Variants in ERICH6B observed in about 807,000 individuals in gnomAD.
ERICH6B encodes the protein glutamate-rich protein 6B.
ERICH6B carries 69 observed loss-of-function variants against 80.0 expected under a neutral mutation model. The ratio of observed to expected loss-of-function variants is 0.86; its 90% CI spans 0.71 to 1.05. The LOEUF (loss-of-function observed/expected upper bound fraction) is 1.05, where lower values mean the gene tolerates loss of function less well. Among genes scored for constraint, ERICH6B ranks in the 50% least tolerant of loss-of-function variants. The pLI is 0.00. For synonymous variants in ERICH6B, 283 were observed against 291.9 expected (o/e 0.97, Z 0.31); for missense variants, 754 against 796.1 (o/e 0.95, Z 0.64).
intron 11 of ERICH6B, among the ~76,000 whole-genome samples, chr13:45,556,632 T>C (rs561922496): frequency 1.3e-4 from 20 of 152,322 alleles, no homozygotes; most frequent in African/African-American, 4.8e-4. Context: ...CTCCCACTTA[T>C]GAGTGAGAAC....
chr13:45,542,394 C>T (rs1246421474), intron 14 of ERICH6B, among the ~76,000 whole-genome samples: 1 of 152,224 alleles, frequency 6.6e-6, no homozygotes, highest in South Asian at 2.1e-4. Context: ...CTGTTCTTCC[C>T]TGGGCACACT....
chr13:45,574,808 T>C (rs568485592), intron 8 of ERICH6B, 34 bp downstream of exon 8: 1 of 1,328,780 alleles, frequency 7.5e-7, no homozygotes, highest in Non-Finnish European at 1.0e-6. Flanking sequence ...TGGAGGAAGC[T>C]GGGGGGGGGG....
intron 3 of ERICH6B, among the ~76,000 whole-genome samples, chr13:45,594,354 C>G (rs915931371): frequency 6.6e-6 from 1 of 152,118 alleles, no homozygotes; most frequent in Non-Finnish European, 1.5e-5. Context: ...CAGTTCCATT[C>G]GCTTGACAGC....
At chr13:45,575,184 C>T (rs973005647) in intron 7 of ERICH6B, among the ~76,000 whole-genome samples, 2 of 152,162 alleles carry the variant, frequency 1.3e-5, no homozygotes, top group Non-Finnish European at 1.5e-5. Context: ...TTCCTGGTGG[C>T]TGGTGAGGGT....
chr13:45,609,311 G>C (rs1273796355), intron 1 of ERICH6B, among the ~76,000 whole-genome samples: 1 of 152,056 alleles, frequency 6.6e-6, no homozygotes, highest in East Asian at 1.9e-4. Context: ...CTCACCTCAG[G>C]ATGCTTCCAC....
At chr13:45,553,564 T>A (rs539592932) in intron 11 of ERICH6B, among the ~76,000 whole-genome samples, 2 of 152,324 alleles carry the variant, frequency 1.3e-5, no homozygotes, top group East Asian at 3.9e-4. Flanking sequence ...TGTTTCCTTA[T>A]GCCGAGCACT....
At chr13:45,571,273 A>T (rs1001134272) in intron 8 of ERICH6B, among the ~76,000 whole-genome samples, 14 of 152,164 alleles carry the variant, frequency 9.2e-5, no homozygotes, top group Admixed American at 1.3e-4. Context: ...TATCATGACT[A>T]GTTTTCGTAA....
In ERICH6B at chr13:45,597,066, G is replaced by A; in HGVS notation, c.-58-3C>T. 1 of 1,457,870 alleles carries A rather than the reference G, an allele frequency of 6.9e-7. No individual in the cohort carries two copies. Among genetic ancestry groups the A allele is most frequent in the South Asian group, 1.5e-5 (1 of 68,470 alleles). The allele number at this position is 1,457,870 out of a possible 1,614,324, so 90.3% of individuals were successfully genotyped here. A position where few individuals can be genotyped will look rare whatever the true frequency, so the allele number is the denominator to read the frequency against. Reference sequence around the variant, plus strand: ...GCAGCCAACGTCACTTTATTATCCTGTATCCAAGAAAGGAATAAAATCCTA... The same window carrying A: ...GCAGCCAACGTCACTTTATTATCCTATATCCAAGAAAGGAATAAAATCCTA... On this transcript the variant is annotated splice_polypyrimidine_tract_variant and splice_region_variant and intron_variant, in intron 2 of 14. Coordinates refer to ENST00000298738, the MANE Select transcript of ERICH6B (RefSeq NM_182542.3).
At chr13:45,578,500 G>GA (rs1236796716) in intron 7 of ERICH6B, among the ~76,000 whole-genome samples, 4 of 152,170 alleles carry the variant, frequency 2.6e-5, no homozygotes, top group Non-Finnish European at 5.9e-5. Flanking sequence ...AATGGAGGGG[G>GA]AGAACAGTAA....
At chr13:45,603,727 A>G (rs1346298940) in intron 2 of ERICH6B, among the ~76,000 whole-genome samples, 1 of 151,920 alleles carries the variant, frequency 6.6e-6, no homozygotes, top group African/African-American at 2.4e-5. Flanking sequence ...GCCCGTTCCT[A>G]GCACTTTCCA....
At chr13:45,610,794 G>A (rs1448787888) in intron 1 of ERICH6B, among the ~76,000 whole-genome samples, 1 of 151,590 alleles carries the variant, frequency 6.6e-6, no homozygotes, top group African/African-American at 2.4e-5. Flanking sequence ...GACTACTGTT[G>A]TATACACGGT....
chr13:45,568,464 C>A lies in ERICH6B; in HGVS notation c.1051-13G>T. 1 of 1,478,776 alleles carries A rather than the reference C, an allele frequency of 6.8e-7. No individual in the cohort carries two copies. The highest frequency in any genetic ancestry group is 1.4e-5 in the South Asian group (1 of 70,976). The allele number at this position is 1,478,776 out of a possible 1,614,324, so 91.6% of individuals were successfully genotyped here. ...AGCTGTTCAAAAACTACAAAAGGAT[C>A]AAAGAATGAAATATTCAGAAAATGG... On this transcript the variant is annotated splice_polypyrimidine_tract_variant and intron_variant, in intron 8 of 14. Coordinates refer to ENST00000298738, the MANE Select transcript of ERICH6B (RefSeq NM_182542.3).
intron 1 of ERICH6B, among the ~76,000 whole-genome samples, chr13:45,612,929 A>G (rs1222375980): frequency 1.3e-5 from 2 of 152,142 alleles, no homozygotes; most frequent in East Asian, 3.9e-4. Flanking sequence ...TCCAAGCATA[A>G]TTTCCCAGGT....
chr13:45,614,850 A>T (rs1170840495), intron 1 of ERICH6B, among the ~76,000 whole-genome samples: 2 of 152,252 alleles, frequency 1.3e-5, no homozygotes, highest in Admixed American at 6.5e-5. Flanking sequence ...GGAACAACTG[A>T]TGACCTACTT....
chr13:45,598,361 G>A (rs1465126350), intron 2 of ERICH6B, among the ~76,000 whole-genome samples: 2 of 152,162 alleles, frequency 1.3e-5, no homozygotes, highest in Non-Finnish European at 2.9e-5. Flanking sequence ...AAGAAGAGGT[G>A]GCTCTACAGC....
At chr13:45,551,804 G>A (rs569360805) in intron 11 of ERICH6B, among the ~76,000 whole-genome samples, 18 of 152,068 alleles carry the variant, frequency 1.2e-4, no homozygotes, top group African/African-American at 1.4e-4. Flanking sequence ...TCTTGCTCTC[G>A]TTCTCTCTCT....
chr13:45,597,775 A>C (rs889363282), intron 2 of ERICH6B, among the ~76,000 whole-genome samples: 1 of 152,216 alleles, frequency 6.6e-6, no homozygotes, highest in East Asian at 1.9e-4. Flanking sequence ...AATTGTTTGC[A>C]CGTTTGTTCT....
At chr13:45,594,497 C>T (rs1168934552) in intron 3 of ERICH6B, among the ~76,000 whole-genome samples, 1 of 152,214 alleles carries the variant, frequency 6.6e-6, no homozygotes, top group Non-Finnish European at 1.5e-5. Flanking sequence ...ATTAGAATTA[C>T]ATTTGATACT....
chr13:45,553,555 G>A (rs1356778474), intron 11 of ERICH6B, among the ~76,000 whole-genome samples: 1 of 152,188 alleles, frequency 6.6e-6, no homozygotes, highest in African/African-American at 2.4e-5. Flanking sequence ...TACAGTGGCT[G>A]TTTCCTTATG....
Sources: allele counts gnomAD v4.1 joint callset (sites outside exome capture counted in the v4.1 genomes callset), GRCh38; gene constraint gnomAD v4.1.1; transcripts MANE v1.5; gene names NCBI Gene and HGNC (gene_info 2026-07-23, HGNC 2026-07-21).